CAPZB: variants seen among roughly 807,000 people sequenced by gnomAD.
CAPZB encodes the protein capping actin protein of muscle Z-line subunit beta, also known as F-actin-capping protein subunit beta.
Under a neutral mutation model 38.1 loss-of-function variants are expected in CAPZB, and 2 were observed. The observed-to-expected ratio is 0.05, with a 90% CI of 0.02 to 0.17. The LOEUF (loss-of-function observed/expected upper bound fraction) is 0.17. CAPZB is among the 10% of genes least tolerant of loss of function. The pLI is 1.00. For synonymous variants in CAPZB, 107 were observed against 127.4 expected, an observed-to-expected ratio of 0.84 and a Z score of 1.08; for missense variants, 161 against 334.2, an observed-to-expected ratio of 0.48 and a Z score of 4.04.
At chr1:19,427,644 A>C (rs1443915788) in intron 1 of CAPZB, among the ~76,000 whole-genome samples, 2 of 151,874 alleles carry the variant, frequency 1.3e-5, no homozygotes, top group Non-Finnish European at 2.9e-5. Flanking sequence ...GATTAATAAA[A>C]AGAAAAGTGC....
intron 7 of CAPZB, among the ~76,000 whole-genome samples, 190 bp downstream of exon 7, chr1:19,344,997 C>G (rs2093952893): frequency 6.6e-6 from 1 of 152,224 alleles, no homozygotes; most frequent in African/African-American, 2.4e-5. Flanking sequence ...GGCCCTGAAG[C>G]TGGAGCCTGC....
chr1:19,339,798 C>A (rs2093918092), intron 8 of CAPZB, among the ~76,000 whole-genome samples, 181 bp from the exon 9 acceptor site: 1 of 152,192 alleles, frequency 6.6e-6, no homozygotes. Context: ...GGGTACATGG[C>A]CGAGACCTGC....
At chr1:19,352,201 G>GC (rs917707670) in intron 6 of CAPZB, among the ~76,000 whole-genome samples, 1 of 152,180 alleles carries the variant, frequency 6.6e-6, no homozygotes, top group Admixed American at 6.5e-5. Context: ...ACTGCCAAAC[G>GC]CAAGTCAAAG....
At chr1:19,481,579 G>A (rs533249239) in intron 1 of CAPZB, among the ~76,000 whole-genome samples, 138 of 152,302 alleles carry the variant, frequency 9.1e-4, no homozygotes, top group South Asian at 2.1e-4. Flanking sequence ...GCAGATCCTC[G>A]GGTACCCGGG....
chr1:19,453,213 A>C (rs549257644), intron 1 of CAPZB, among the ~76,000 whole-genome samples: 2 of 152,208 alleles, frequency 1.3e-5, no homozygotes, highest in East Asian at 3.9e-4. Context: ...GCCCGGTGTC[A>C]CCGGGCCCCT....
At chr1:19,396,565 T>C (rs1407835665) in intron 2 of CAPZB, among the ~76,000 whole-genome samples, 2 of 152,150 alleles carry the variant, frequency 1.3e-5, no homozygotes, top group Non-Finnish European at 2.9e-5. Flanking sequence ...CTTCCCAGCA[T>C]GAAGGCAAGC....
At chr1:19,484,970 G>C (rs1489993692) in intron 1 of CAPZB, among the ~76,000 whole-genome samples, 1 of 152,192 alleles carries the variant, frequency 6.6e-6, no homozygotes, top group Admixed American at 6.5e-5. Context: ...AAGGCAAAGG[G>C]GGAGGGACAG....
chr1:19,390,541 G>A (rs2094227900), intron 2 of CAPZB, among the ~76,000 whole-genome samples: 1 of 152,226 alleles, frequency 6.6e-6, no homozygotes, highest in African/African-American at 2.4e-5. Context: ...GACAGTGCCT[G>A]CCGTCTTTCT....
At chr1:19,390,292 T>C (rs1034439647) in intron 2 of CAPZB, among the ~76,000 whole-genome samples, 7 of 152,126 alleles carry the variant, frequency 4.6e-5, no homozygotes, top group Non-Finnish European at 1.0e-4. Flanking sequence ...AGAGTTCACT[T>C]TGGGGTGCAT....
rs373995933 is a variant in CAPZB at position 19,385,343 on chromosome 1, G to A, written c.215+162C>T. 2.6e-5 allele frequency among the ~76,000 whole-genome samples: 4 copies of A among 152,316 alleles called. No individual in the cohort carries two copies. In the East Asian group the frequency reaches 7.7e-4, roughly 29 times the overall value. On this transcript the variant is annotated intron_variant, in intron 3 of 8. Transcript: ENST00000264202. ...CAGATGGAACGATGAGAAGAATGGG[G>A]AGGACAAGAGAAGAAAGGAGAGGAG...
At chr1:19,448,221 G>A (rs12409301) in intron 1 of CAPZB, among the ~76,000 whole-genome samples, 37,931 of 152,206 alleles carry the variant, frequency 0.25, 4,890 homozygotes, top group Non-Finnish European at 0.27. Context: ...CCAAATACCC[G>A]CTTCTCTCCA....
chr1:19,384,141 C>T (rs926197302), intron 3 of CAPZB, among the ~76,000 whole-genome samples: 3 of 152,076 alleles, frequency 2.0e-5, no homozygotes. Flanking sequence ...CTTCTTTTAT[C>T]CCCCCAATAA....
chr1:19,357,382 T>C lies in CAPZB; in HGVS notation c.471+40A>G, dbSNP rs770099568. On this transcript the variant is annotated intron_variant, in intron 5 of 8. Coordinates refer to ENST00000264202, the MANE Select transcript of CAPZB (RefSeq NM_004930.5). The surrounding 1 kb of genome is among the most constrained non-coding windows in gnomAD (Gnocchi z 4.3). ...GCGGCACTGGTTGGTGTGCCATCTG[T>C]ACTTAGTGGCCCGGGCCACCAGCTG... 1.2e-6 allele frequency: 2 copies of C among 1,605,178 alleles called. No individual in the cohort carries two copies. Among genetic ancestry groups the C allele is most frequent in the East Asian group, 4.5e-5 (2 of 44,854 alleles).
At chr1:19,360,900 T>C (rs115727670) in intron 4 of CAPZB, among the ~76,000 whole-genome samples, 261 of 152,320 alleles carry the variant, frequency 1.7e-3, no homozygotes, top group African/African-American at 6.0e-3. Context: ...TAAAACTTAC[T>C]GCAGGAACAT....
At chr1:19,452,401 G>C (rs1453406962) in intron 1 of CAPZB, among the ~76,000 whole-genome samples, 3 of 152,218 alleles carry the variant, frequency 2.0e-5, no homozygotes, top group Non-Finnish European at 2.9e-5. Context: ...TACTGCCCGA[G>C]TCCGGCACAG....
intron 1 of CAPZB, among the ~76,000 whole-genome samples, chr1:19,469,586 G>A (rs951252253): frequency 3.3e-5 from 5 of 152,018 alleles, no homozygotes; most frequent in Non-Finnish European, 5.9e-5. Context: ...AGCTCAGAGG[G>A]CTCTGGGGAC....
At chr1:19,339,692 G>A (rs1191780221) in intron 8 of CAPZB, 75 bp from the exon 9 acceptor site, 14 of 1,117,322 alleles carry the variant, frequency 1.3e-5, no homozygotes, top group Non-Finnish European at 1.9e-5. Flanking sequence ...GGGCCACCAT[G>A]CCAGTGCCTG....
chr1:19,408,481 C>T (rs1471864265), intron 2 of CAPZB, among the ~76,000 whole-genome samples: 5 of 150,226 alleles, frequency 3.3e-5, no homozygotes, highest in Non-Finnish European at 7.4e-5. Flanking sequence ...AGTGAGCCAC[C>T]CAGGGACAAA....
At chr1:19,407,969 G>A (rs940436940) in intron 2 of CAPZB, among the ~76,000 whole-genome samples, 9 of 152,128 alleles carry the variant, frequency 5.9e-5, no homozygotes, top group Admixed American at 3.9e-4. Context: ...TCCATGACTC[G>A]CCTTTGGGTG....
Sources: gnomAD v4.1 joint callset for allele counts (sites outside exome capture counted in the v4.1 genomes callset) on GRCh38, gnomAD v4.1.1 for gene constraint, Gnocchi (gnomAD v3.1) non-coding constraint, MANE v1.5 for transcripts, NCBI Gene and HGNC (gene_info 2026-07-23, HGNC 2026-07-21) for gene names.